PDE1C: variants seen among roughly 807,000 people sequenced by gnomAD.
PDE1C encodes phosphodiesterase 1C.
A neutral mutation model predicts 93.1 loss-of-function variants in PDE1C; 62 were observed. The observed-to-expected ratio is 0.67, with a 90% CI of 0.54 to 0.82. The LOEUF is 0.82. Ranked by LOEUF, PDE1C falls within the 40% of genes least tolerant of loss-of-function variation. The probability of loss-of-function intolerance (pLI) is 0.00; values close to 1 mark genes in which losing one functional copy is unlikely to be tolerated. For missense variants in PDE1C, 742 were observed against 884.6 expected, an observed-to-expected ratio of 0.84 and a Z score of 2.04; for synonymous variants, 325 against 310.1, an observed-to-expected ratio of 1.05 and a Z score of -0.50.
chr7:32,359,790 C>T (rs1445330336), intron 1 of PDE1C, among the ~76,000 whole-genome samples: 1 of 152,190 alleles, frequency 6.6e-6, no homozygotes, highest in African/African-American at 2.4e-5. Context: ...CTGTTCCATT[C>T]TCATGGAAGA....
At chr7:31,724,108 T>C in the PDE1C span, among the ~76,000 whole-genome samples, 1 of 152,200 alleles carries the variant, frequency 6.6e-6, no homozygotes, top group Non-Finnish European at 1.5e-5. Flanking sequence ...TGCTGTCAAA[T>C]ATATTCTGCC....
intron 2 of PDE1C, among the ~76,000 whole-genome samples, chr7:31,925,201 A>G (rs899808083): frequency 2.0e-5 from 3 of 152,234 alleles, no homozygotes; most frequent in Non-Finnish European, 4.4e-5. Flanking sequence ...AGTGGACTCC[A>G]AAGGATAAAG....
intron 1 of PDE1C, among the ~76,000 whole-genome samples, chr7:32,292,801 T>C (rs1461491738): frequency 6.6e-6 from 1 of 152,190 alleles, no homozygotes; most frequent in Admixed American, 6.5e-5. Flanking sequence ...TTCATTACTA[T>C]TCTCTCCACC....
At chr7:32,283,438 T>A (rs1811803241) in intron 1 of PDE1C, among the ~76,000 whole-genome samples, 1 of 152,224 alleles carries the variant, frequency 6.6e-6, no homozygotes, top group Non-Finnish European at 1.5e-5. Flanking sequence ...TCTTTGCCAA[T>A]CCCTATTTTA....
chr7:31,664,522 G>A, the PDE1C span, among the ~76,000 whole-genome samples: 1 of 152,178 alleles, frequency 6.6e-6, no homozygotes, highest in South Asian at 2.1e-4. Context: ...ATAAGAATGG[G>A]ACACAGACTC....
intron 17 of PDE1C, among the ~76,000 whole-genome samples, chr7:31,767,609 T>C (rs1795224901): frequency 6.6e-6 from 1 of 152,236 alleles, no homozygotes; most frequent in African/African-American, 2.4e-5. Context: ...GGTAGTTCTT[T>C]ATAGCAATGC....
chr7:31,804,429 C>T (rs1786516171), intron 16 of PDE1C, among the ~76,000 whole-genome samples: 1 of 151,808 alleles, frequency 6.6e-6, no homozygotes, highest in African/African-American at 2.4e-5. Context: ...GTAGTTTCCT[C>T]ATTGCATGGG....
chr7:31,772,555 C>T (rs1157598958), intron 17 of PDE1C, among the ~76,000 whole-genome samples: 1 of 150,780 alleles, frequency 6.6e-6, no homozygotes, highest in South Asian at 2.1e-4. Flanking sequence ...TCTCTGGCAC[C>T]AGTTTTTTTA....
chr7:31,705,453 G>T, the PDE1C span, among the ~76,000 whole-genome samples: 1 of 150,540 alleles, frequency 6.6e-6, no homozygotes, highest in African/African-American at 2.5e-5. Flanking sequence ...TGTGCAGCTG[G>T]TGTACGAGAA....
intron 2 of PDE1C, among the ~76,000 whole-genome samples, chr7:31,979,002 A>G (rs1812035679): frequency 1.3e-5 from 2 of 152,322 alleles, no homozygotes; most frequent in South Asian, 2.1e-4. Flanking sequence ...TTATAGGACT[A>G]GATGACAAAC....
intron 2 of PDE1C, among the ~76,000 whole-genome samples, chr7:31,919,040 T>G (rs535268285): frequency 6.6e-6 from 1 of 152,336 alleles, no homozygotes; most frequent in Admixed American, 6.5e-5. Flanking sequence ...ATAAATCATA[T>G]TAAGGCAGGG....
At chr7:31,796,043 T>C (rs1050564628) in intron 16 of PDE1C, among the ~76,000 whole-genome samples, 7 of 151,088 alleles carry the variant, frequency 4.6e-5, no homozygotes, top group African/African-American at 1.7e-4. Flanking sequence ...ATATTACAAT[T>C]CTCTCCTCCA....
chr7:31,784,476 C>G (rs2128644256), intron 16 of PDE1C: 1 of 152,270 alleles, frequency 6.6e-6, no homozygotes, highest in Non-Finnish European at 1.5e-5. Flanking sequence ...AAAACTTTCC[C>G]ATACGAATTG....
At chr7:31,755,754 A>G (rs1186068929) in intron 17 of PDE1C, among the ~76,000 whole-genome samples, 1 of 152,240 alleles carries the variant, frequency 6.6e-6, no homozygotes, top group Admixed American at 6.5e-5. Flanking sequence ...ATATAAATAA[A>G]TGATTGAATA....
At chr7:32,320,622 T>TAC (rs58913478) in intron 1 of PDE1C, among the ~76,000 whole-genome samples, 21,389 of 149,544 alleles carry the variant, frequency 0.14, 1,724 homozygotes, top group East Asian at 0.38. Context: ...GGCACACACA[T>TAC]ACACACACAC....
chr7:31,769,027 C>T (rs1795316484), intron 17 of PDE1C, among the ~76,000 whole-genome samples: 1 of 152,066 alleles, frequency 6.6e-6, no homozygotes, highest in South Asian at 2.1e-4. Context: ...AACTCCTGAC[C>T]TCAGGTGATC....
chr7:31,812,165 T>A (rs539329015), intron 15 of PDE1C, among the ~76,000 whole-genome samples: 50 of 152,286 alleles, frequency 3.3e-4, no homozygotes, highest in African/African-American at 1.1e-3. Flanking sequence ...CTAAACTGCT[T>A]TCTTTTCCCA....
At chr7:32,282,485 A>ATAGATAGATAGATAGATAGATAGATAG (rs1554300216) in intron 1 of PDE1C, among the ~76,000 whole-genome samples, 4 of 143,860 alleles carry the variant, frequency 2.8e-5, no homozygotes, top group Non-Finnish European at 6.0e-5. Context: ...TCAAAAAAAA[A>ATAGATAGATAGATAGATAGATAGATAG]ATAGATAGAT....
At position 32,092,287 on chromosome 7, in the gene PDE1C, A is replaced by T. The variant is rs78211409; in HGVS notation, c.308+77498T>A. 4.9e-3 allele frequency among the ~76,000 whole-genome samples: 745 copies of T among 152,234 alleles called. 3 individuals are homozygous for T. The highest frequency in any genetic ancestry group is 0.016 in the African/African-American group (676 of 41,538). On this transcript the variant is annotated intron_variant, in intron 3 of 18. Transcript: ENST00000396193. ...TTTTGTGAGTAAAGTGTGTGCTTTG[A>T]AATGTTCCCTCCCTTCATGTCGGAG...
Sources: allele counts gnomAD v4.1 joint callset (sites outside exome capture counted in the v4.1 genomes callset), GRCh38; gene constraint gnomAD v4.1.1; transcripts MANE v1.5; gene names NCBI Gene and HGNC (gene_info 2026-07-23, HGNC 2026-07-21).